DENND1A: variants seen among roughly 807,000 people sequenced by gnomAD.
DENND1A encodes the protein DENN domain containing 1A, also known as DENN domain-containing protein 1A.
A neutral mutation model predicts 113.7 loss-of-function variants in DENND1A; 51 were observed. The observed-to-expected ratio is 0.45, with a 90% CI of 0.36 to 0.57. DENND1A has a LOEUF of 0.57. Ranked by LOEUF, DENND1A falls within the 20% of genes least tolerant of loss-of-function variation. The probability of loss-of-function intolerance (pLI) is 0.00; values close to 1 mark genes in which losing one functional copy is unlikely to be tolerated. For missense variants in DENND1A, 1,258 were observed against 1,395.9 expected, an observed-to-expected ratio of 0.90 and a Z score of 1.57; for synonymous variants, 565 against 570.8, an observed-to-expected ratio of 0.99 and a Z score of 0.14.
At chr9:123,893,096 GATT>G (rs901304406) in intron 1 of DENND1A, among the ~76,000 whole-genome samples, 1 of 150,396 alleles carries the variant, frequency 6.6e-6, no homozygotes, top group Non-Finnish European at 1.5e-5. Flanking sequence ...ATACGTACAG[GATT>G]ATATGTTTTT....
chr9:123,606,759 A>T (rs1357256330), intron 11 of DENND1A, among the ~76,000 whole-genome samples: 1 of 152,242 alleles, frequency 6.6e-6, no homozygotes, highest in Non-Finnish European at 1.5e-5. Flanking sequence ...GCATCCTGTT[A>T]GGTGCTGAGG....
chr9:123,528,532 G>C (rs1176629730), intron 13 of DENND1A, among the ~76,000 whole-genome samples: 2 of 152,116 alleles, frequency 1.3e-5, no homozygotes, highest in Non-Finnish European at 2.9e-5. Flanking sequence ...TTGACTGACT[G>C]ATTCTCTTCA....
chr9:123,502,260 TATCTAC>T (rs2052555559), intron 13 of DENND1A, among the ~76,000 whole-genome samples: 1 of 151,720 alleles, frequency 6.6e-6, no homozygotes. Flanking sequence ...TCTATATCTA[TATCTAC>T]ATCTATATCT....
chr9:123,903,842 A>G (rs1435910619), intron 1 of DENND1A, among the ~76,000 whole-genome samples: 8 of 152,160 alleles, frequency 5.3e-5, no homozygotes, highest in Admixed American at 6.5e-5. Context: ...CAAAGCAGCC[A>G]GGAAGCTCGA....
chr9:123,525,086 T>C (rs2054710724), intron 13 of DENND1A, among the ~76,000 whole-genome samples: 1 of 152,154 alleles, frequency 6.6e-6, no homozygotes, highest in Non-Finnish European at 1.5e-5. Flanking sequence ...CTCTACTTGA[T>C]AGATAAGAAT....
chr9:123,657,402 G>A (rs1236166867), intron 8 of DENND1A, among the ~76,000 whole-genome samples: 2 of 138,296 alleles, frequency 1.4e-5, no homozygotes, highest in Non-Finnish European at 3.1e-5. Context: ...GGGTGGTGGC[G>A]ATGGGGGGAG....
At chr9:123,692,042 G>A (rs1046795957) in intron 5 of DENND1A, among the ~76,000 whole-genome samples, 9 of 152,178 alleles carry the variant, frequency 5.9e-5, no homozygotes, top group African/African-American at 2.2e-4. Context: ...ATCCAGAGCA[G>A]CAGGTGCGGT....
intron 5 of DENND1A, among the ~76,000 whole-genome samples, chr9:123,685,222 A>G (rs565078022): frequency 2.0e-5 from 3 of 152,346 alleles, no homozygotes; most frequent in Non-Finnish European, 4.4e-5. Context: ...GATAACATCA[A>G]AAGTCAAAGC....
At chr9:123,674,417 A>G (rs2063941655) in intron 6 of DENND1A, among the ~76,000 whole-genome samples, 1 of 150,204 alleles carries the variant, frequency 6.7e-6, no homozygotes, top group African/African-American at 2.5e-5. Context: ...CTTGCTTCCC[A>G]ACCTTCCCAA....
At chr9:123,502,733 G>A (rs1020586531) in intron 13 of DENND1A, among the ~76,000 whole-genome samples, 3 of 152,176 alleles carry the variant, frequency 2.0e-5, no homozygotes, top group Non-Finnish European at 2.9e-5. Flanking sequence ...TGTGCCTTTG[G>A]TGTCATAGCC....
At chr9:123,555,877 C>G (rs1008531199) in intron 13 of DENND1A, among the ~76,000 whole-genome samples, 8 of 152,140 alleles carry the variant, frequency 5.3e-5, no homozygotes, top group African/African-American at 1.7e-4. Context: ...GCACACAGGC[C>G]AACAATGAGA....
intron 5 of DENND1A, among the ~76,000 whole-genome samples, chr9:123,744,824 G>A (rs1283071642): frequency 7.2e-6 from 1 of 138,954 alleles, no homozygotes; most frequent in Non-Finnish European, 1.5e-5. Context: ...TGCCCAGGCT[G>A]GAGTGCAATG....
At chr9:123,467,684 C>T (rs756905027) in intron 13 of DENND1A, among the ~76,000 whole-genome samples, 1 of 152,042 alleles carries the variant, frequency 6.6e-6, no homozygotes, top group Non-Finnish European at 1.5e-5. Context: ...CATCCCCACA[C>T]CAGTTCAAAG....
At chr9:123,410,842 C>G (rs2044248682) in intron 20 of DENND1A, among the ~76,000 whole-genome samples, 1 of 152,166 alleles carries the variant, frequency 6.6e-6, no homozygotes, top group Non-Finnish European at 1.5e-5. Context: ...GATGGAGAAA[C>G]TTTTCCCTTG....
chr9:123,534,670 T>C (rs1370087686), intron 13 of DENND1A, among the ~76,000 whole-genome samples: 1 of 152,230 alleles, frequency 6.6e-6, no homozygotes, highest in African/African-American at 2.4e-5. Context: ...TTTTTGCTAA[T>C]TGAATGTGTG....
intron 9 of DENND1A, among the ~76,000 whole-genome samples, chr9:123,637,809 G>T (rs966364643): frequency 6.6e-6 from 1 of 152,054 alleles, no homozygotes; most frequent in South Asian, 2.1e-4. Context: ...TTTTCAGGGG[G>T]TAATGGCAAC....
At chr9:123,676,694 A>G in intron 6 of DENND1A, 26 bp downstream of exon 6, 1 of 1,603,068 alleles carries the variant, frequency 6.2e-7, no homozygotes, top group East Asian at 2.2e-5. Flanking sequence ...ATTTGTTTAA[A>G]AGAATTATTT....
intron 19 of DENND1A, among the ~76,000 whole-genome samples, chr9:123,417,869 G>T (rs2044866986): frequency 6.6e-6 from 1 of 151,084 alleles, no homozygotes. Context: ...TACACAGGAA[G>T]GTCTCTGCCA....
intron 1 of DENND1A, among the ~76,000 whole-genome samples, chr9:123,882,322 C>CAAAAAAAAA (rs59820553): frequency 8.4e-4 from 105 of 124,386 alleles, no homozygotes; most frequent in Admixed American, 1.7e-3. Flanking sequence ...AACCTTGTTT[C>CAAAAAAAAA]AAAAAAAAAA....
Sources: allele counts gnomAD v4.1 joint callset (sites outside exome capture counted in the v4.1 genomes callset), GRCh38; gene constraint gnomAD v4.1.1; transcripts MANE v1.5; gene names NCBI Gene and HGNC (gene_info 2026-07-23, HGNC 2026-07-21).